TAFA3: variants seen among roughly 807,000 people sequenced by gnomAD.
The protein encoded by TAFA3 is chemokine-like protein TAFA-3.
TAFA3 carries 17 observed loss-of-function variants against 20.7 expected under a neutral mutation model. That is an observed-to-expected ratio of 0.82 (90% CI 0.56 to 1.23). The LOEUF is 1.23. Among genes scored for constraint, TAFA3 ranks in the 50% most tolerant of loss-of-function variants. The probability of loss-of-function intolerance (pLI) is 0.00; values close to 1 mark genes in which losing one functional copy is unlikely to be tolerated. For missense variants in TAFA3, 174 were observed against 172.8 expected, an observed-to-expected ratio of 1.01 and a Z score of -0.04; for synonymous variants, 74 against 71.8, an observed-to-expected ratio of 1.03 and a Z score of -0.16.
chr1:112,726,116 G>A (rs1225114795), intron 5 of TAFA3, among the ~76,000 whole-genome samples: 4 of 151,914 alleles, frequency 2.6e-5, no homozygotes, highest in East Asian at 3.9e-4. Context: ...CAGTCTGGGC[G>A]ACAGAGTGAG....
rs1675270228 is a variant in TAFA3 at position 112,719,084 on chromosome 1, G to A, written c.-275G>A. 6.6e-6 allele frequency among the ~76,000 whole-genome samples: 1 copy of A among 152,212 alleles called. No homozygotes were observed. Among genetic ancestry groups the A allele is most frequent in the African/African-American group, 2.4e-5 (1 of 41,446 alleles). On this transcript the variant is annotated 5_prime_UTR_variant, in exon 1 of 6. Transcript: ENST00000361886. ...CGGGCCCAGAGCTCCCCTGTGCCCAGAGCCCGGCCCGCCCTGCGGATGATG... is the reference window on the plus strand; with the variant it reads ...CGGGCCCAGAGCTCCCCTGTGCCCAAAGCCCGGCCCGCCCTGCGGATGATG...
At chr1:112,722,924 A>T in intron 3 of TAFA3, 92 bp from the exon 4 acceptor site, 22 of 1,433,176 alleles carry the variant, frequency 1.5e-5, no homozygotes, top group Admixed American at 2.3e-5. Context: ...CCCTCCCTGC[A>T]GCAGGGAGGA....
At chr1:112,722,533 C>G (rs1469488331) in intron 3 of TAFA3, among the ~76,000 whole-genome samples, 185 bp downstream of exon 3, 1 of 152,168 alleles carries the variant, frequency 6.6e-6, no homozygotes, top group African/African-American at 2.4e-5. Flanking sequence ...CTGTCCCGCC[C>G]CAGAGAAGGT....
chr1:112,726,973 C>A lies in TAFA3; in HGVS notation c.*333C>A. The stretch of plus-strand genomic sequence containing the variant: ...TTGATACCAGACTGCGGCTTCTGGG[C>A]CACATGCTATGGCATGATGGGGGTT... On this transcript the variant is annotated 3_prime_UTR_variant, in exon 6 of 6. Transcript: ENST00000361886. The A allele has an allele frequency of 6.0e-6, 2 of 332,152 alleles. No homozygotes were observed. The highest frequency in any genetic ancestry group is 1.1e-5 in the Non-Finnish European group (2 of 178,386). The allele number at this position is 332,152 out of a possible 1,614,324, so 20.6% of individuals were successfully genotyped here.
At chr1:112,720,542 T>C (rs1022694679) in intron 1 of TAFA3, 35 bp from the exon 2 acceptor site, 13 of 152,298 alleles carry the variant, frequency 8.5e-5, no homozygotes, top group Admixed American at 5.2e-4. Flanking sequence ...CCTCTATCCT[T>C]TGCAACCCCC....
In TAFA3 at chr1:112,726,839, G is replaced by A; in HGVS notation, c.*199G>A. On this transcript the variant is annotated 3_prime_UTR_variant, in exon 6 of 6. Transcript: ENST00000361886. ...GCAATCACATACCTAATGTGGAGCT[G>A]GGCTTTTCTGGAGACACGAAGGTCA... is the stretch of plus-strand genomic sequence containing the variant. The A allele has an allele frequency of 4.2e-6, 3 of 716,210 alleles. No individual in the cohort carries two copies. The highest frequency in any genetic ancestry group is 6.9e-6 in the Non-Finnish European group (3 of 437,494). 44.4% of individuals were successfully genotyped at this position (716,210 alleles called of 1,614,324 possible). A position where few individuals can be genotyped will look rare whatever the true frequency, so the allele number is the denominator to read the frequency against.
intron 4 of TAFA3, 125 bp downstream of exon 4, chr1:112,723,290 A>C: frequency 2.2e-5 from 29 of 1,305,362 alleles, no homozygotes; most frequent in Non-Finnish European, 3.0e-5. Flanking sequence ...GCAGTCTCAA[A>C]TGGTGGGGCC....
chr1:112,723,096 A>G lies in TAFA3; in HGVS notation c.196A>G (p.Thr66Ala), dbSNP rs1233131770. 1.9e-6 allele frequency: 3 copies of G among 1,613,336 alleles called. No homozygotes were observed. The Admixed American group carries it at 5.0e-5, about 27-fold the overall frequency. The change falls in exon 4 of 6, where the codon ACG (threonine) becomes GCG (alanine). Residue 66 changes from threonine (T) to alanine (A), a missense_variant. By Grantham distance (58) the Thr-to-Ala change is moderately conservative. Transcript: ENST00000361886. Reference protein sequence around the residue: ...NRNRIEERSQTVKCSCFSGQV... With the variant: ...NRNRIEERSQAVKCSCFSGQV... ...GAACCGCATCGAGGAGCGCTCCCAG[A>G]CGGTGAAATGCTCCTGTTTTTCTGG...
At chr1:112,720,942 A>C (rs1234265967) in intron 2 of TAFA3, among the ~76,000 whole-genome samples, 1 of 152,146 alleles carries the variant, frequency 6.6e-6, no homozygotes, top group Non-Finnish European at 1.5e-5. Flanking sequence ...CCAAACCATC[A>C]ACGATGAAAG....
intron 1 of TAFA3, among the ~76,000 whole-genome samples, chr1:112,720,260 A>G (rs1675297770): frequency 1.3e-5 from 2 of 152,084 alleles, no homozygotes; most frequent in South Asian, 2.1e-4. Flanking sequence ...TCCCAAGGCC[A>G]GAGAGATGAC....
chr1:112,725,403 A>AC (rs1553192312), intron 5 of TAFA3, among the ~76,000 whole-genome samples: 3 of 140,572 alleles, frequency 2.1e-5, no homozygotes, highest in African/African-American at 5.8e-5. Context: ...ATTAAAAAAA[A>AC]AAAAAAAAAA....
Position 112,724,094 on chromosome 1 carries a change from C to G in TAFA3, c.347C>G (p.Ser116Trp). The change falls in exon 5 of 6, where the codon TCG becomes TGG. Residue 116 changes from serine (S) to tryptophan (W), a missense_variant. By Grantham distance (177) the Ser-to-Trp change is radical (BLOSUM62 -3). Coordinates refer to ENST00000361886, the MANE Select transcript of TAFA3 (RefSeq NM_182759.3). ...GAGTGTAAGGTGCTCCCGGACCTGT[C>G]GGGATGGAGCTGCAGCAGTGGACAC... is the stretch of plus-strand genomic sequence containing the variant. ...GEECKVLPDL[S>W]GWSCSSGHKV... The G allele has an allele frequency of 6.2e-7, 1 of 1,612,946 alleles. No individual in the cohort carries two copies. The highest frequency in any genetic ancestry group is 1.3e-5 in the African/African-American group (1 of 74,962).
chr1:112,722,412 A>G, intron 3 of TAFA3, 64 bp downstream of exon 3: 1 of 1,384,724 alleles, frequency 7.2e-7, no homozygotes, highest in Non-Finnish European at 1.0e-6. Flanking sequence ...GCTGGACACC[A>G]CTCCACCGTG....
intron 4 of TAFA3, 44 bp downstream of exon 4, chr1:112,723,209 A>G (rs1300685114): frequency 1.1e-5 from 18 of 1,595,946 alleles, no homozygotes; most frequent in Non-Finnish European, 1.4e-5. Flanking sequence ...GAGCAGAGCC[A>G]TAAGGAGGCC....
intron 3 of TAFA3, 72 bp downstream of exon 3, chr1:112,722,420 G>C: frequency 7.7e-7 from 1 of 1,302,980 alleles, no homozygotes; most frequent in Non-Finnish European, 1.1e-6. Flanking sequence ...CCACTCCACC[G>C]TGTTCCATAG....
chr1:112,726,683 C>T lies in TAFA3; in HGVS notation c.*43C>T, dbSNP rs370836946. The T allele has an allele frequency of 1.0e-4, 163 of 1,613,816 alleles. No homozygotes were observed. Among genetic ancestry groups the T allele is most frequent in the Middle Eastern group, 8.3e-4 (5 of 6,056 alleles). On this transcript the variant is annotated 3_prime_UTR_variant, in exon 6 of 6. Transcript: ENST00000361886. ...CTGGACAAGAAAGGCTTGACTGAGC[C>T]GTGAACTGAAGAATGGTATCCAGTC...
chr1:112,719,403 C>T (rs868084629), intron 1 of TAFA3, among the ~76,000 whole-genome samples, 104 bp downstream of exon 1: 1 of 152,216 alleles, frequency 6.6e-6, no homozygotes, highest in Non-Finnish European at 1.5e-5. Flanking sequence ...TTGTGGTTCA[C>T]ATCCTCAAAC....
intron 5 of TAFA3, among the ~76,000 whole-genome samples, chr1:112,725,406 A>AAC (rs1553192307): frequency 6.4e-5 from 6 of 93,280 alleles, no homozygotes; most frequent in South Asian, 3.9e-4. Flanking sequence ...AAAAAAAAAA[A>AAC]AAAAAAAAAC....
At position 112,723,066 on chromosome 1, in the gene TAFA3, A is replaced by G. The variant is rs779385883; in HGVS notation, c.166A>G (p.Asn56Asp). ...CEVIAAHRCC[N>D]RNRIEERSQT... ...GGTGATTGCGGCTCACCGCTGCTGC[A>G]ACCGGAACCGCATCGAGGAGCGCTC... The change falls in exon 4 of 6, where the codon AAC becomes GAC. Residue 56 changes from asparagine (N) to aspartate (D), a missense_variant. Asn to Asp is a conservative substitution (Grantham distance 23). Transcript: ENST00000361886. 6.2e-7 allele frequency: 1 copy of G among 1,613,074 alleles called. No homozygotes were observed.
Sources: allele counts gnomAD v4.1 joint callset (sites outside exome capture counted in the v4.1 genomes callset), GRCh38; gene constraint gnomAD v4.1.1; transcripts MANE v1.5; gene names NCBI Gene and HGNC (gene_info 2026-07-23, HGNC 2026-07-21).